Variants in CSNK2A2 observed in about 807,000 individuals in gnomAD.
CSNK2A2 encodes the protein casein kinase II subunit alpha'.
In CSNK2A2, 8 loss-of-function variants were observed where a neutral mutation model predicts 54.0. The ratio of observed to expected loss-of-function variants is 0.15; its 90% CI spans 0.09 to 0.27. CSNK2A2 has a LOEUF of 0.27. CSNK2A2 is among the 10% of genes least tolerant of loss of function. CSNK2A2 has a pLI of 1.00. For missense variants in CSNK2A2, 242 were observed against 439.4 expected, an observed-to-expected ratio of 0.55 and a Z score of 4.02; for synonymous variants, 141 against 153.9, an observed-to-expected ratio of 0.92 and a Z score of 0.62.
At chr16:58,191,783 C>G (rs1254305377) in intron 2 of CSNK2A2, among the ~76,000 whole-genome samples, 1 of 152,174 alleles carries the variant, frequency 6.6e-6, no homozygotes, top group Non-Finnish European at 1.5e-5. Flanking sequence ...TAACATCACT[C>G]GCATGACCCA....
At chr16:58,168,071 C>T (rs1176531228) in intron 6 of CSNK2A2, among the ~76,000 whole-genome samples, 3 of 152,182 alleles carry the variant, frequency 2.0e-5, no homozygotes, top group African/African-American at 7.2e-5. Flanking sequence ...CATTCAGAAA[C>T]TGTAGGCAGT....
At chr16:58,180,506 C>CT (rs1273508978) in intron 4 of CSNK2A2, among the ~76,000 whole-genome samples, 1 of 151,652 alleles carries the variant, frequency 6.6e-6, no homozygotes, top group African/African-American at 2.4e-5. Flanking sequence ...CCTGGATAAA[C>CT]TTTAAGTTAT....
At chr16:58,172,948 C>T (rs1218660844) in intron 5 of CSNK2A2, among the ~76,000 whole-genome samples, 2 of 152,180 alleles carry the variant, frequency 1.3e-5, no homozygotes, top group Non-Finnish European at 2.9e-5. Flanking sequence ...GACCTAAGGG[C>T]AGGCTAGCTT....
chr16:58,190,130 A>G (rs117382243), intron 2 of CSNK2A2, among the ~76,000 whole-genome samples: 1 of 152,146 alleles, frequency 6.6e-6, no homozygotes, highest in East Asian at 1.9e-4. Flanking sequence ...ATGCTAGAAG[A>G]AGTCTCCGTC....
intron 2 of CSNK2A2, among the ~76,000 whole-genome samples, chr16:58,191,408 C>G (rs1013602163): frequency 7.2e-5 from 11 of 152,150 alleles, no homozygotes; most frequent in Non-Finnish European, 1.6e-4. Context: ...GTTGCCCAGG[C>G]TGGAGTGCAA....
Position 58,165,592 on chromosome 16 carries a change from G to C in CSNK2A2, c.944C>G (p.Thr315Ser). 1 of 1,613,930 alleles carries C rather than the reference G, an allele frequency of 6.2e-7. No homozygotes were observed. The highest frequency in any genetic ancestry group is 8.5e-7 in the Non-Finnish European group (1 of 1,179,954). The change falls in exon 10 of 12, where the codon ACT (threonine) becomes AGT (serine). Residue 315 changes from threonine to serine, a missense_variant. By Grantham distance (58) the Thr-to-Ser change is moderately conservative. This residue lies in a region of CSNK2A2 where 81 missense variants were observed against 135.0 expected (regional missense o/e 0.60). Transcript: ENST00000262506. The stretch of plus-strand genomic sequence containing the variant: ...TGGGTGCTCCATGGCCTCTTTGGCA[G>C]TCAGTCTCTGTTGATGGTCGTATCG... Reference protein sequence around the residue: ...LLRYDHQQRLTAKEAMEHPYF... With the variant: ...LLRYDHQQRLSAKEAMEHPYF...
At chr16:58,165,750 C>A in intron 9 of CSNK2A2, 42 bp from the exon 10 acceptor site, 1 of 1,586,034 alleles carries the variant, frequency 6.3e-7, no homozygotes, top group Non-Finnish European at 8.6e-7. Context: ...AGACTAAATT[C>A]AACAAGAATC....
rs754263768 is a variant in CSNK2A2, at chr16:58,166,641, C to A, written c.770G>T (p.Gly257Val). ...GTCTATGTGATACTTCTTCAGATAC[C>A]CATACAGTTCTTCTGTACCCAGAAC... ...AKVLGTEELY[G>V]YLKKYHIDLD... Residue 257 changes from glycine to valine, a missense_variant, in exon 9 of 12, where the codon GGG (glycine) becomes GTG (valine). Around this residue, in one of 5 missense-constraint regions of CSNK2A2, gnomAD observed 81 missense variants for 135.0 expected, o/e 0.60. Coordinates refer to ENST00000262506, the MANE Select transcript of CSNK2A2 (RefSeq NM_001896.4). 1 of 1,613,644 alleles carries A rather than the reference C, an allele frequency of 6.2e-7. No homozygotes were observed. Among genetic ancestry groups the A allele is most frequent in the East Asian group, 2.2e-5 (1 of 44,866 alleles).
At chr16:58,159,968 A>T (rs1436661184) in intron 11 of CSNK2A2, 1 of 152,220 alleles carries the variant, frequency 6.6e-6, no homozygotes, top group African/African-American at 2.4e-5. Context: ...TCACATTTGT[A>T]GCACATTGTT....
intron 5 of CSNK2A2, among the ~76,000 whole-genome samples, chr16:58,168,915 C>T (rs915486323): frequency 7.9e-5 from 12 of 151,540 alleles, no homozygotes; most frequent in Non-Finnish European, 1.8e-4. Flanking sequence ...ATGGCAAGGG[C>T]TATGAGGAAG....
rs115594697 is a variant in CSNK2A2 at position 58,164,653 on chromosome 16, T to G, written c.977-506A>C. On this transcript the variant is annotated intron_variant, in intron 10 of 11. Transcript: ENST00000262506. ...TGTCATAAACATCAGTATTCCTAAT[T>G]TGATCTAACTCGGGTAAAAACAGCT... Among the ~76,000 whole-genome samples the G allele has an allele frequency of 7.6e-3, 1,154 of 152,314 alleles. 13 individuals carry two copies. Among genetic ancestry groups the G allele is most frequent in the African/African-American group, 0.026 (1,076 of 41,558 alleles).
At chr16:58,163,784 C>A in intron 11 of CSNK2A2, 1 of 268,774 alleles carries the variant, frequency 3.7e-6, no homozygotes, top group Non-Finnish European at 7.1e-6. Flanking sequence ...GGTAAATGTA[C>A]AACAACTCCG....
chr16:58,169,479 G>C (rs897799773), intron 5 of CSNK2A2, among the ~76,000 whole-genome samples: 3 of 152,044 alleles, frequency 2.0e-5, no homozygotes, highest in Non-Finnish European at 4.4e-5. Flanking sequence ...GCAGTGAGCT[G>C]AGATGGTGCC....
At chr16:58,167,639 C>T (rs1432803900) in intron 7 of CSNK2A2, 46 bp downstream of exon 7, 3 of 1,430,226 alleles carry the variant, frequency 2.1e-6, no homozygotes, top group South Asian at 2.3e-5. Flanking sequence ...CAGAAAAGCC[C>T]TAAGCAAGTA....
intron 5 of CSNK2A2, among the ~76,000 whole-genome samples, chr16:58,168,903 G>A (rs1366226324): frequency 6.6e-6 from 1 of 152,014 alleles, no homozygotes; most frequent in Non-Finnish European, 1.5e-5. Context: ...GGTATGAAGG[G>A]AATGGCAAGG....
chr16:58,168,583 C>G, intron 6 of CSNK2A2, 27 bp downstream of exon 6: 1 of 1,599,770 alleles, frequency 6.3e-7, no homozygotes, highest in South Asian at 1.1e-5. Context: ...TTTAATCAAG[C>G]TTGTTGCTGC....
At chr16:58,171,009 C>T (rs1961721423) in intron 5 of CSNK2A2, among the ~76,000 whole-genome samples, 1 of 152,048 alleles carries the variant, frequency 6.6e-6, no homozygotes, top group Admixed American at 6.5e-5. Context: ...GAGCCCCCCT[C>T]CAGTTTTAAC....
intron 4 of CSNK2A2, among the ~76,000 whole-genome samples, chr16:58,179,416 G>A (rs1342196928): frequency 2.0e-5 from 3 of 151,340 alleles, no homozygotes; most frequent in African/African-American, 4.9e-5. Context: ...CAGGAGAATC[G>A]CTTGAACCCA....
chr16:58,191,599 G>A (rs976208226), intron 2 of CSNK2A2, among the ~76,000 whole-genome samples: 1 of 152,124 alleles, frequency 6.6e-6, no homozygotes, highest in Non-Finnish European at 1.5e-5. Context: ...CTGACGTCAG[G>A]TGATCTGCCC....
Sources: gnomAD v4.1 joint callset for allele counts (sites outside exome capture counted in the v4.1 genomes callset) on GRCh38, gnomAD v4.1.1 for gene constraint, gnomAD v4.1.1 regional missense constraint, MANE v1.5 for transcripts, NCBI Gene and HGNC (gene_info 2026-07-23, HGNC 2026-07-21) for gene names.